KCNB2: variants seen among roughly 807,000 people sequenced by gnomAD.
The protein encoded by KCNB2 is delayed rectifier potassium channel protein.
KCNB2 carries 15 observed loss-of-function variants against 61.5 expected under a neutral mutation model. The observed-to-expected ratio is 0.24, with a 90% confidence interval of 0.16 to 0.38. The LOEUF is 0.38. Ranked by LOEUF, KCNB2 falls within the 10% of genes least tolerant of loss-of-function variation. KCNB2 has a pLI of 1.00. For missense variants in KCNB2, 828 were observed against 1,125.2 expected, an observed-to-expected ratio of 0.74 and a Z score of 3.78; for synonymous variants, 457 against 446.0, an observed-to-expected ratio of 1.02 and a Z score of -0.31.
intron 2 of KCNB2, among the ~76,000 whole-genome samples, chr8:72,576,744 C>T (rs898688115): frequency 1.3e-5 from 2 of 152,132 alleles, no homozygotes; most frequent in Non-Finnish European, 1.5e-5. Flanking sequence ...TCCCCTGGAC[C>T]GTAGTTGATG....
chr8:72,913,997 A>C (rs954105354), intron 2 of KCNB2, among the ~76,000 whole-genome samples: 1 of 152,242 alleles, frequency 6.6e-6, no homozygotes, highest in African/African-American at 2.4e-5. Context: ...CTGCTGCAAC[A>C]AATACCATAT....
At chr8:72,773,015 G>T (rs1238798786) in intron 2 of KCNB2, among the ~76,000 whole-genome samples, 1 of 152,196 alleles carries the variant, frequency 6.6e-6, no homozygotes, top group Admixed American at 6.5e-5. Flanking sequence ...ATGGTGACAA[G>T]TCCAGCTCAC....
intron 2 of KCNB2, among the ~76,000 whole-genome samples, chr8:72,771,003 G>A (rs1438503708): frequency 6.6e-6 from 1 of 152,188 alleles, no homozygotes; most frequent in African/African-American, 2.4e-5. Flanking sequence ...AGCTACATTT[G>A]TGTATGATTA....
rs754010044 is a variant in KCNB2 at position 72,936,681 on chromosome 8, G to A, written c.1326G>A (p.Arg442=). The A allele has an allele frequency of 7.4e-6, 12 of 1,614,030 alleles. No individual in the cohort carries two copies. The Admixed American group carries it at 1.8e-4, about 25-fold the overall frequency. The change falls in exon 3 of 3, where the codon CGG becomes CGA. Residue 442 remains arginine, a synonymous_variant. Coordinates refer to ENST00000523207, the MANE Select transcript of KCNB2 (RefSeq NM_004770.3). The surrounding 1 kb of genome is among the most constrained non-coding windows in gnomAD (Gnocchi z 5.6). The part of the protein sequence containing the change: ...KAIKRREALE[R]AKRNGSIVSM... ...TTAAAAGGAGGGAGGCTCTTGAGCG[G>A]GCCAAAAGGAACGGAAGCATCGTTT...
At chr8:72,792,310 C>T (rs1321586280) in intron 2 of KCNB2, among the ~76,000 whole-genome samples, 1 of 152,150 alleles carries the variant, frequency 6.6e-6, no homozygotes, top group East Asian at 1.9e-4. Flanking sequence ...AAATATTTTT[C>T]CCCACCTCCC....
chr8:72,937,063 T>A lies in KCNB2; in HGVS notation c.1708T>A (p.Tyr570Asn). Residue 570 changes from tyrosine (Y) to asparagine (N), a missense_variant, in exon 3 of 3, where the codon TAT (tyrosine) becomes AAT (asparagine). Around this residue, in one of 4 missense-constraint regions of KCNB2, gnomAD observed 559 missense variants for 588.4 expected, o/e 0.95. Transcript: ENST00000523207. Reference protein sequence around the residue: ...CQEKPERPSAYEEEIEMEEVV... With the variant: ...CQEKPERPSANEEEIEMEEVV... ...AGAAAAGCCTGAGAGGCCATCTGCA[T>A]ATGAAGAAGAGATTGAAATGGAAGA... 1.2e-6 allele frequency: 2 copies of A among 1,613,964 alleles called. No individual in the cohort carries two copies. Among genetic ancestry groups the A allele is most frequent in the Non-Finnish European group, 1.7e-6 (2 of 1,179,996 alleles).
intron 2 of KCNB2, among the ~76,000 whole-genome samples, chr8:72,715,283 A>G (rs1392289441): frequency 6.6e-6 from 1 of 152,204 alleles, no homozygotes. Flanking sequence ...ATATCCAGGA[A>G]TTGAACTCGG....
intron 2 of KCNB2, among the ~76,000 whole-genome samples, chr8:72,818,756 G>T (rs1344070845): frequency 6.6e-6 from 1 of 151,920 alleles, no homozygotes; most frequent in Non-Finnish European, 1.5e-5. Flanking sequence ...TGCCCTCCTT[G>T]GTACACCTAC....
rs1195670655 is a variant in KCNB2, at chr8:72,938,035, A to G, written c.2680A>G (p.Ile894Val). 6.2e-7 allele frequency: 1 copy of G among 1,614,122 alleles called. No homozygotes were observed. Among genetic ancestry groups the G allele is most frequent in the African/African-American group, 1.3e-5 (1 of 75,062 alleles). ...KMENHLFAPE[I>V]HSNPGDTGYC... ...GGAAAATCACTTGTTTGCCCCAGAAATTCATTCCAACCCAGGAGACACAGG... is the reference window on the plus strand; with the variant it reads ...GGAAAATCACTTGTTTGCCCCAGAAGTTCATTCCAACCCAGGAGACACAGG... The change falls in exon 3 of 3, where the codon ATT becomes GTT. Residue 894 changes from isoleucine to valine, a missense_variant. Coordinates refer to ENST00000523207, the MANE Select transcript of KCNB2 (RefSeq NM_004770.3).
At chr8:72,545,383 AGTGTGCT>A (rs1806244724) in intron 1 of KCNB2, among the ~76,000 whole-genome samples, 1 of 152,088 alleles carries the variant, frequency 6.6e-6, no homozygotes, top group African/African-American at 2.4e-5. Context: ...TTTTTCCAAC[AGTGTGCT>A]CACTTCTTGT....
intron 2 of KCNB2, among the ~76,000 whole-genome samples, chr8:72,838,139 A>T (rs991357291): frequency 1.3e-5 from 2 of 152,136 alleles, no homozygotes; most frequent in Non-Finnish European, 2.9e-5. Flanking sequence ...TTATACTTTA[A>T]GTTATAGGTT....
chr8:72,564,789 T>G (rs56042814), intron 1 of KCNB2, among the ~76,000 whole-genome samples: 11,386 of 152,196 alleles, frequency 0.075, 913 homozygotes, highest in African/African-American at 0.2. Flanking sequence ...CCTTTATAAT[T>G]CAATGGGAAA....
intron 2 of KCNB2, among the ~76,000 whole-genome samples, chr8:72,678,085 G>A (rs1806691370): frequency 6.6e-6 from 1 of 152,116 alleles, no homozygotes; most frequent in Non-Finnish European, 1.5e-5. Context: ...CCTGTTGTGT[G>A]AACTAAAATT....
At chr8:72,770,987 G>A (rs1440988828) in intron 2 of KCNB2, among the ~76,000 whole-genome samples, 3 of 152,164 alleles carry the variant, frequency 2.0e-5, no homozygotes, top group African/African-American at 7.2e-5. Flanking sequence ...ATTGTGATAG[G>A]AACTCAGCTA....
intron 2 of KCNB2, chr8:72,751,041 C>A (rs1012828380): frequency 1.4e-4 from 22 of 152,072 alleles, no homozygotes; most frequent in African/African-American, 5.1e-4. Flanking sequence ...GGCTACCCTG[C>A]CTGTATCAGG....
chr8:72,910,396 A>T lies in KCNB2; in HGVS notation c.580-25539A>T, dbSNP rs533395426. On this transcript the variant is annotated intron_variant, in intron 2 of 2. Transcript: ENST00000523207. Reference sequence around the variant, plus strand: ...AGGTGGATTTGAGAACCACCAATGCATAGACGATACCAGGAACCACTGGAG... The same window carrying T: ...AGGTGGATTTGAGAACCACCAATGCTTAGACGATACCAGGAACCACTGGAG... Among the ~76,000 whole-genome samples, 87 of 152,298 alleles carry T rather than the reference A, an allele frequency of 5.7e-4. 1 individual carries two copies. Among genetic ancestry groups the T allele is most frequent in the Admixed American group, 5.6e-3 (85 of 15,284 alleles).
At chr8:72,687,895 A>C (rs1806877067) in intron 2 of KCNB2, among the ~76,000 whole-genome samples, 1 of 152,176 alleles carries the variant, frequency 6.6e-6, no homozygotes, top group Admixed American at 6.5e-5. Flanking sequence ...GGTTTCTCTC[A>C]GCCTAGGCAA....
intron 2 of KCNB2, among the ~76,000 whole-genome samples, chr8:72,579,958 A>T (rs1473231399): frequency 6.6e-6 from 1 of 152,266 alleles, no homozygotes; most frequent in East Asian, 1.9e-4. Context: ...AGTAATTAAT[A>T]TGACTTTCTC....
At chr8:72,792,837 T>C (rs1321228519) in intron 2 of KCNB2, among the ~76,000 whole-genome samples, 1 of 152,248 alleles carries the variant, frequency 6.6e-6, no homozygotes, top group African/African-American at 2.4e-5. Flanking sequence ...GTCAGCCATA[T>C]GGAAGATAGC....
Sources: allele counts gnomAD v4.1 joint callset (sites outside exome capture counted in the v4.1 genomes callset), GRCh38; gene constraint gnomAD v4.1.1; regional missense constraint gnomAD v4.1.1; non-coding constraint Gnocchi (gnomAD v3.1); transcripts MANE v1.5; gene names NCBI Gene and HGNC (gene_info 2026-07-23, HGNC 2026-07-21).